Variants in CDKAL1 observed in about 807,000 individuals in gnomAD.
The protein encoded by CDKAL1 is threonylcarbamoyladenosine tRNA methylthiotransferase.
CDKAL1 carries 32 observed loss-of-function variants against 68.2 expected under a neutral mutation model. The observed-to-expected ratio is 0.47, with a 90% CI of 0.35 to 0.63. The LOEUF (loss-of-function observed/expected upper bound fraction) is 0.63, where lower values mean the gene tolerates loss of function less well. Ranked by LOEUF, CDKAL1 falls within the 30% of genes least tolerant of loss-of-function variation. CDKAL1 has a pLI of 0.00. For missense variants in CDKAL1, 606 were observed against 696.7 expected (o/e 0.87, Z 1.47); for synonymous variants, 234 against 244.3 (o/e 0.96, Z 0.39).
chr6:21,070,141 T>A (rs1402227437), intron 12 of CDKAL1, among the ~76,000 whole-genome samples: 1 of 152,152 alleles, frequency 6.6e-6, no homozygotes, highest in Non-Finnish European at 1.5e-5. Flanking sequence ...TCTCTGGGAC[T>A]GTGAATTTGA....
intron 13 of CDKAL1, among the ~76,000 whole-genome samples, chr6:21,149,145 C>CTT (rs751130086): frequency 2.0e-5 from 3 of 146,696 alleles, no homozygotes; most frequent in African/African-American, 5.0e-5. Context: ...CTTCAAAAAA[C>CTT]TTTTTTTTTT....
intron 7 of CDKAL1, among the ~76,000 whole-genome samples, chr6:20,778,258 A>G (rs900382279): frequency 6.6e-6 from 1 of 152,252 alleles, no homozygotes; most frequent in African/African-American, 2.4e-5. Flanking sequence ...AGCATGAGCC[A>G]TAAAAGAAAA....
At chr6:20,673,281 A>G (rs1769935199) in intron 5 of CDKAL1, among the ~76,000 whole-genome samples, 1 of 152,196 alleles carries the variant, frequency 6.6e-6, no homozygotes, top group South Asian at 2.1e-4. Flanking sequence ...GGATTCCCCA[A>G]AGATACCAAG....
chr6:20,930,229 A>G (rs1763374208), intron 9 of CDKAL1, among the ~76,000 whole-genome samples: 2 of 150,900 alleles, frequency 1.3e-5, no homozygotes, highest in South Asian at 4.2e-4. Flanking sequence ...TGTTTTTTCA[A>G]CTCTTTGTTA....
At chr6:20,952,444 G>A (rs1764580704) in intron 9 of CDKAL1, among the ~76,000 whole-genome samples, 1 of 152,154 alleles carries the variant, frequency 6.6e-6, no homozygotes, top group Non-Finnish European at 1.5e-5. Flanking sequence ...ACCACCAATA[G>A]GGATGGATGC....
At chr6:20,675,849 A>G (rs987680733) in intron 5 of CDKAL1, among the ~76,000 whole-genome samples, 1 of 152,140 alleles carries the variant, frequency 6.6e-6, no homozygotes, top group African/African-American at 2.4e-5. Flanking sequence ...GAGGGATTCC[A>G]GAGGAAGTCA....
chr6:20,576,895 C>G (rs927426685), intron 4 of CDKAL1, among the ~76,000 whole-genome samples: 2 of 152,110 alleles, frequency 1.3e-5, no homozygotes, highest in South Asian at 2.1e-4. Context: ...TTTATTTTCT[C>G]TATATGGCAC....
intron 4 of CDKAL1, among the ~76,000 whole-genome samples, chr6:20,609,458 C>T (rs1282391392): frequency 6.8e-6 from 1 of 147,764 alleles, no homozygotes; most frequent in African/African-American, 2.5e-5. Flanking sequence ...TGCAGTGGCA[C>T]AGTCTCGACT....
At chr6:21,209,371 C>T (rs574631615) in intron 15 of CDKAL1, among the ~76,000 whole-genome samples, 1 of 152,324 alleles carries the variant, frequency 6.6e-6, no homozygotes, top group East Asian at 1.9e-4. Context: ...AACCAGGCCC[C>T]CGAGCCTGAA....
At chr6:20,691,851 CTTTT>C (rs1770882748) in intron 5 of CDKAL1, among the ~76,000 whole-genome samples, 1 of 151,958 alleles carries the variant, frequency 6.6e-6, no homozygotes, top group Admixed American at 6.6e-5. Context: ...TTATTTCATT[CTTTT>C]TTATTTCCCA....
At chr6:21,033,998 G>T (rs1054995178) in intron 11 of CDKAL1, among the ~76,000 whole-genome samples, 1 of 152,150 alleles carries the variant, frequency 6.6e-6, no homozygotes, top group African/African-American at 2.4e-5. Context: ...AGCAGCAGCA[G>T]CTGTGTTCTG....
intron 10 of CDKAL1, chr6:20,993,690 C>T (rs958607826): frequency 6.6e-6 from 1 of 152,132 alleles, no homozygotes; most frequent in African/African-American, 2.4e-5. Context: ...AAAACGTATC[C>T]ATACATAGAA....
intron 6 of CDKAL1, among the ~76,000 whole-genome samples, chr6:20,742,796 T>C (rs1016155299): frequency 6.6e-6 from 1 of 152,096 alleles, no homozygotes; most frequent in Non-Finnish European, 1.5e-5. Flanking sequence ...TTACATATTA[T>C]TAAAGTATAA....
At chr6:20,675,410 G>A (rs983867386) in intron 5 of CDKAL1, among the ~76,000 whole-genome samples, 4 of 151,926 alleles carry the variant, frequency 2.6e-5, no homozygotes, top group African/African-American at 9.7e-5. Flanking sequence ...CTCTAATTGG[G>A]GCAATTTTGG....
At chr6:21,035,329 T>C (rs1769515456) in intron 11 of CDKAL1, among the ~76,000 whole-genome samples, 2 of 152,144 alleles carry the variant, frequency 1.3e-5, no homozygotes, top group African/African-American at 4.8e-5. Flanking sequence ...ACAGGAAATC[T>C]CTGAGACAAG....
intron 6 of CDKAL1, among the ~76,000 whole-genome samples, chr6:20,753,457 C>T (rs114338402): frequency 0.015 from 2,250 of 152,226 alleles, 58 homozygotes; most frequent in African/African-American, 0.051. Context: ...GTATCAGCTG[C>T]CTGCAGTATT....
At chr6:21,151,507 C>T (rs1220945038) in intron 13 of CDKAL1, among the ~76,000 whole-genome samples, 1 of 151,494 alleles carries the variant, frequency 6.6e-6, no homozygotes, top group Non-Finnish European at 1.5e-5. Flanking sequence ...GCAATTTTTT[C>T]ACAAACAAAA....
chr6:20,546,421 C>G lies in CDKAL1; in HGVS notation c.71C>G (p.Pro24Arg). Reference protein sequence around the residue: ...EDIVSQEDSKPQDRHFVRKDV... With the variant: ...EDIVSQEDSKRQDRHFVRKDV... ...ATCGTGTCTCAGGAAGATTCAAAACCACAAGATAGGCATTTTGTAAGAAAG... is the reference window on the plus strand; with the variant it reads ...ATCGTGTCTCAGGAAGATTCAAAACGACAAGATAGGCATTTTGTAAGAAAG... Residue 24 changes from proline to arginine, a missense_variant, in exon 3 of 16, where the codon CCA becomes CGA. By Grantham distance (103) the Pro-to-Arg change is moderately radical. Coordinates refer to ENST00000274695, the MANE Select transcript of CDKAL1 (RefSeq NM_017774.3). 1 of 1,613,898 alleles carries G rather than the reference C, an allele frequency of 6.2e-7. No individual in the cohort carries two copies. The highest frequency in any genetic ancestry group is 8.5e-7 in the Non-Finnish European group (1 of 1,179,830).
chr6:20,735,524 T>C (rs1390871326), intron 5 of CDKAL1, among the ~76,000 whole-genome samples: 1 of 152,138 alleles, frequency 6.6e-6, no homozygotes, highest in Non-Finnish European at 1.5e-5. Flanking sequence ...CCCACTGGGC[T>C]CCTCCCGTGA....
Sources: gnomAD v4.1 joint callset for allele counts (sites outside exome capture counted in the v4.1 genomes callset) on GRCh38, gnomAD v4.1.1 for gene constraint, MANE v1.5 for transcripts, NCBI Gene and HGNC (gene_info 2026-07-23, HGNC 2026-07-21) for gene names.